The following MANEA variants were observed in gnomAD, a reference collection of about 807,000 sequenced individuals.
MANEA encodes mannosidase endo-alpha, also known as glycoprotein endo-alpha-1,2-mannosidase.
MANEA carries 25 observed loss-of-function variants against 36.8 expected under a neutral mutation model. The ratio of observed to expected loss-of-function variants is 0.68; its 90% CI spans 0.50 to 0.95. The LOEUF (loss-of-function observed/expected upper bound fraction) is 0.95, where lower values mean the gene tolerates loss of function less well. Among genes scored for constraint, MANEA ranks in the 40% least tolerant of loss-of-function variants. The pLI is 0.00. For synonymous variants in MANEA, 198 were observed against 188.5 expected, an observed-to-expected ratio of 1.05 and a Z score of -0.41; for missense variants, 565 against 558.8, an observed-to-expected ratio of 1.01 and a Z score of -0.11.
chr6:95,587,038 T>C (rs780224280), intron 2 of MANEA, 55 bp downstream of exon 2: 1 of 1,012,186 alleles, frequency 9.9e-7, no homozygotes, highest in Non-Finnish European at 1.5e-6. Context: ...TGCATATAAA[T>C]GATTTTTTGT....
intron 1 of MANEA, among the ~76,000 whole-genome samples, chr6:95,581,961 TTAAGTA>T (rs1438028195): frequency 3.9e-5 from 6 of 152,070 alleles, no homozygotes; most frequent in Admixed American, 2.0e-4. Context: ...TTTTACATGT[TTAAGTA>T]TATTTCCTTC....
chr6:95,591,687 A>G (rs1176113716), intron 2 of MANEA, among the ~76,000 whole-genome samples: 1 of 151,596 alleles, frequency 6.6e-6, no homozygotes, highest in Non-Finnish European at 1.5e-5. Flanking sequence ...ATTTTGCTAA[A>G]TTCTTAGTGA....
rs201105968 is a variant in MANEA at position 95,586,453 on chromosome 6, G to A, written c.14G>A (p.Arg5Gln). The change falls in exon 2 of 5, where the codon CGG becomes CAG. Residue 5 changes from arginine to glutamine, a missense_variant. Physicochemically the swap from Arg to Gln is conservative, Grantham distance 43. Transcript: ENST00000358812. The stretch of plus-strand genomic sequence containing the variant: ...AAGTATGTCATCATGGCAAAGTTTC[G>A]GAGAAGGACTTGCATCATTTTGGCA... MAKF[R>Q]RRTCIILALF... The A allele has an allele frequency of 3.9e-5, 63 of 1,604,606 alleles. No individual in the cohort carries two copies. Among genetic ancestry groups the A allele is most frequent in the South Asian group, 3.0e-4 (27 of 89,804 alleles).
At chr6:95,602,289 C>T (rs928660229) in intron 3 of MANEA, among the ~76,000 whole-genome samples, 7 of 152,094 alleles carry the variant, frequency 4.6e-5, no homozygotes, top group African/African-American at 1.7e-4. Context: ...CCCTAAAATG[C>T]CTTGTAATCT....
rs754587106 is a variant in MANEA, at chr6:95,600,834, G to A, written c.654+3988G>A. Among the ~76,000 whole-genome samples the A allele has an allele frequency of 4.5e-4, 68 of 152,144 alleles. 1 individual carries two copies. The highest frequency in any genetic ancestry group is 8.5e-4 in the Non-Finnish European group (58 of 68,022). On this transcript the variant is annotated intron_variant, in intron 3 of 4. Coordinates refer to ENST00000358812, the MANE Select transcript of MANEA (RefSeq NM_024641.4). ...TTTTAGGGAATGAATCCGTCTCACAGTTAAACTTTTGTTATAGTTCATTCA... is the reference window on the plus strand; with the variant it reads ...TTTTAGGGAATGAATCCGTCTCACAATTAAACTTTTGTTATAGTTCATTCA...
At chr6:95,602,986 G>C (rs897961534) in intron 3 of MANEA, among the ~76,000 whole-genome samples, 1 of 128,034 alleles carries the variant, frequency 7.8e-6, no homozygotes, top group Admixed American at 9.1e-5. Flanking sequence ...CGCCACTGCA[G>C]TCCGCAGTCC....
chr6:95,581,244 A>C (rs953605494), intron 1 of MANEA, among the ~76,000 whole-genome samples: 1 of 152,184 alleles, frequency 6.6e-6, no homozygotes, highest in Non-Finnish European at 1.5e-5. Flanking sequence ...TAATTGAGAC[A>C]TGGAGGTTGA....
chr6:95,592,371 C>A (rs563591693), intron 2 of MANEA, among the ~76,000 whole-genome samples: 2 of 152,258 alleles, frequency 1.3e-5, no homozygotes, highest in East Asian at 3.9e-4. Context: ...ATTTTATATT[C>A]TCTCTCTGAT....
intron 2 of MANEA, among the ~76,000 whole-genome samples, chr6:95,591,652 A>T (rs1769387153): frequency 6.6e-6 from 1 of 150,968 alleles, no homozygotes; most frequent in Non-Finnish European, 1.5e-5. Flanking sequence ...TGAATTTTTA[A>T]TCTGTTGCTT....
intron 3 of MANEA, among the ~76,000 whole-genome samples, chr6:95,601,917 C>T (rs1769601424): frequency 6.6e-6 from 1 of 151,936 alleles, no homozygotes; most frequent in African/African-American, 2.4e-5. Flanking sequence ...GCTCTAGAGT[C>T]ATTTTATCTG....
At chr6:95,577,833 TTA>T (rs1305631567) in intron 1 of MANEA, among the ~76,000 whole-genome samples, 195 bp downstream of exon 1, 1 of 152,220 alleles carries the variant, frequency 6.6e-6, no homozygotes, top group Non-Finnish European at 1.5e-5. Flanking sequence ...GCCCCCTCGA[TTA>T]ACCTAGGCTG....
chr6:95,590,066 G>C (rs1001740670), intron 2 of MANEA: 1 of 152,096 alleles, frequency 6.6e-6, no homozygotes, highest in Non-Finnish European at 1.5e-5. Context: ...CAAGGAAAGG[G>C]ATTCTTTCCT....
rs1000290800 is a variant in MANEA at position 95,583,510 on chromosome 6, A to C, written c.-38-2892A>C. ...TATGCATATCGTATATACAGTATAC[A>C]TATATACATATATGACGTATATATG... On this transcript the variant is annotated intron_variant, in intron 1 of 4. Transcript: ENST00000358812. Among the ~76,000 whole-genome samples the C allele has an allele frequency of 5.3e-5, 8 of 152,176 alleles. No individual in the cohort carries two copies. In the East Asian group the frequency reaches 1.5e-3, roughly 29 times the overall value.
chr6:95,586,485 A>T lies in MANEA; in HGVS notation c.46A>T (p.Ile16Phe). ...GACTTGCATCATTTTGGCACTTTTTATTCTATTTATTTTCTCTCTGATGAT... is the reference window on the plus strand; with the variant it reads ...GACTTGCATCATTTTGGCACTTTTTTTTCTATTTATTTTCTCTCTGATGAT... ...RRTCIILALF[I>F]LFIFSLMMGL... The change falls in exon 2 of 5, where the codon ATT becomes TTT. Residue 16 changes from isoleucine to phenylalanine, a missense_variant. Physicochemically the swap from Ile to Phe is conservative, Grantham distance 21 (BLOSUM62 0). Transcript: ENST00000358812. 1.9e-6 allele frequency: 3 copies of T among 1,612,774 alleles called. No individual in the cohort carries two copies. Among genetic ancestry groups the T allele is most frequent in the Non-Finnish European group, 1.7e-6 (2 of 1,179,568 alleles).
At chr6:95,585,697 G>T (rs1360699858) in intron 1 of MANEA, among the ~76,000 whole-genome samples, 1 of 152,050 alleles carries the variant, frequency 6.6e-6, no homozygotes, top group Non-Finnish European at 1.5e-5. Context: ...AATTTTGTCT[G>T]ATTCTATTTC....
At chr6:95,584,192 A>G (rs748715407) in intron 1 of MANEA, among the ~76,000 whole-genome samples, 19 of 152,192 alleles carry the variant, frequency 1.2e-4, no homozygotes, top group Non-Finnish European at 2.5e-4. Flanking sequence ...AAATCAGTGC[A>G]CCTTGAAAAA....
intron 1 of MANEA, among the ~76,000 whole-genome samples, chr6:95,582,067 A>C (rs1329293787): frequency 6.8e-6 from 1 of 148,120 alleles, no homozygotes; most frequent in African/African-American, 2.5e-5. Flanking sequence ...ATGTCTCATC[A>C]AAATTTTCCC....
rs571073280 is a variant in MANEA, at chr6:95,582,630, T to G, written c.-38-3772T>G. Among the ~76,000 whole-genome samples the G allele has an allele frequency of 2.5e-3, 384 of 152,352 alleles. 2 individuals are homozygous for G. Among genetic ancestry groups the G allele is most frequent in the African/African-American group, 8.9e-3 (372 of 41,592 alleles). On this transcript the variant is annotated intron_variant, in intron 1 of 4. Transcript: ENST00000358812. Reference sequence around the variant, plus strand: ...CAGGTATGTTAACAGCTCACATTCTTCTATTTACTGCTGGGATAAATAGCA... The same window carrying G: ...CAGGTATGTTAACAGCTCACATTCTGCTATTTACTGCTGGGATAAATAGCA...
At chr6:95,590,165 A>T (rs975761909) in intron 2 of MANEA, 2 of 152,176 alleles carry the variant, frequency 1.3e-5, no homozygotes, top group Non-Finnish European at 2.9e-5. Context: ...TGACATGCAA[A>T]ACTGTAAGGT....
Sources: gnomAD v4.1 joint callset for allele counts (sites outside exome capture counted in the v4.1 genomes callset) on GRCh38, gnomAD v4.1.1 for gene constraint, MANE v1.5 for transcripts, NCBI Gene and HGNC (gene_info 2026-07-23, HGNC 2026-07-21) for gene names.